Variants in TMEM120B observed in about 807,000 individuals in gnomAD.
TMEM120B encodes the protein transmembrane protein 120B.
TMEM120B carries 31 observed loss-of-function variants against 55.5 expected under a neutral mutation model. The ratio of observed to expected loss-of-function variants is 0.56; its 90% CI spans 0.42 to 0.75. The LOEUF is 0.75. Among genes scored for constraint, TMEM120B ranks in the 30% least tolerant of loss-of-function variants. The pLI, the probability that TMEM120B is intolerant of heterozygous loss-of-function variation, is 0.00. For missense variants in TMEM120B, 399 were observed against 425.5 expected, an observed-to-expected ratio of 0.94 and a Z score of 0.55; for synonymous variants, 203 against 176.3, an observed-to-expected ratio of 1.15 and a Z score of -1.20.
rs757075007 is a variant in TMEM120B at position 121,779,699 on chromosome 12, C to T, written c.*3977C>T. On this transcript the variant is annotated 3_prime_UTR_variant, in exon 12 of 12. Coordinates refer to ENST00000449592, the MANE Select transcript of TMEM120B (RefSeq NM_001080825.2). ...GAGGAGCCAGCATTAGGTGAGGGGC[C>T]CCTGGAGGTCTCCTAGCACCACCTG... The T allele has an allele frequency of 4.3e-6, 7 of 1,609,838 alleles. No homozygotes were observed. In the Admixed American group the frequency reaches 5.0e-5, roughly 12 times the overall value.
intron 1 of TMEM120B, among the ~76,000 whole-genome samples, chr12:121,713,576 T>A (rs947946054): frequency 3.9e-5 from 6 of 152,126 alleles, no homozygotes; most frequent in Non-Finnish European, 7.3e-5. Context: ...CCTCACCCAG[T>A]GATAGGGGAA....
chr12:121,750,676 A>C, intron 4 of TMEM120B, among the ~76,000 whole-genome samples: 2 of 111,162 alleles, frequency 1.8e-5, no homozygotes, highest in Non-Finnish European at 1.9e-5. Flanking sequence ...CCCACACCCC[A>C]CACCACACAC....
rs538057289 is a variant in TMEM120B at position 121,756,213 on chromosome 12, A to G, written c.461+3990A>G. Among the ~76,000 whole-genome samples, 17 of 152,238 alleles carry G rather than the reference A, an allele frequency of 1.1e-4. No homozygotes were observed. The South Asian group carries it at 3.5e-3, about 32-fold the overall frequency. ...TGCAGATGTGATTAAGACTCTTGAGATGGGCCGGGTGTGGTGGTTCATGCC... is the reference window on the plus strand; with the variant it reads ...TGCAGATGTGATTAAGACTCTTGAGGTGGGCCGGGTGTGGTGGTTCATGCC... On this transcript the variant is annotated intron_variant, in intron 5 of 11. Coordinates refer to ENST00000449592, the MANE Select transcript of TMEM120B (RefSeq NM_001080825.2).
Position 121,775,661 on chromosome 12 carries a change from CCACGCTCAAAGTCGTGCATGCCAAG to C in TMEM120B, c.961_985del (p.Thr321SerfsTer58). The C allele has an allele frequency of 6.2e-7, 1 of 1,614,084 alleles. No homozygotes were observed. Among genetic ancestry groups the C allele is most frequent in the Non-Finnish European group, 8.5e-7 (1 of 1,179,978 alleles). On this transcript the variant is annotated frameshift_variant, in exon 12 of 12. Transcript: ENST00000449592. LOFTEE classifies it high-confidence loss of function. This position sits in a 1 kb window ranked among gnomAD's most constrained non-coding sequence, Gnocchi z 4.3. ...ATCCTCTTCCTCGGCAACTTCCTGA[CCACGCTCAAAGTCGTGCATGCCAAG>C]CTCCAGAAGAACAGAGGCAAGACAA...
At position 121,775,150 on chromosome 12, in the gene TMEM120B, G is replaced by A; in HGVS notation, c.906+20G>A. ...TGGCAGGTATGGGGGGTGGGGGCATGCTCGGGGGAGGTTCCCGGGAGGGCT... is the reference window on the plus strand; with the variant it reads ...TGGCAGGTATGGGGGGTGGGGGCATACTCGGGGGAGGTTCCCGGGAGGGCT... On this transcript the variant is annotated intron_variant, in intron 11 of 11. Transcript: ENST00000449592. This position sits in a 1 kb window ranked among gnomAD's most constrained non-coding sequence, Gnocchi z 4.3. 4 of 1,351,394 alleles carry A rather than the reference G, an allele frequency of 3.0e-6. No homozygotes were observed. Among genetic ancestry groups the A allele is most frequent in the Non-Finnish European group, 4.1e-6 (4 of 965,034 alleles). The allele number at this position is 1,351,394 out of a possible 1,614,324, so 83.7% of individuals were successfully genotyped here. A position where few individuals can be genotyped will look rare whatever the true frequency, so the allele number is the denominator to read the frequency against.
intron 2 of TMEM120B, among the ~76,000 whole-genome samples, chr12:121,744,676 G>A (rs1873030397): frequency 6.6e-6 from 1 of 152,206 alleles, no homozygotes; most frequent in East Asian, 1.9e-4. Flanking sequence ...GGGCCCAGTG[G>A]ATGCCGTGAC....
At position 121,759,578 on chromosome 12, in the gene TMEM120B, T is replaced by C. The variant is rs920189735; in HGVS notation, c.462-2071T>C. On this transcript the variant is annotated intron_variant, in intron 5 of 11. Transcript: ENST00000449592. Reference sequence around the variant, plus strand: ...CTGTAATCCCATCTACTCTGGAGGCTGAGGCAAGAAAATCGCTTGAACCCA... The same window carrying C: ...CTGTAATCCCATCTACTCTGGAGGCCGAGGCAAGAAAATCGCTTGAACCCA... 5.3e-5 allele frequency among the ~76,000 whole-genome samples: 8 copies of C among 151,950 alleles called. No homozygotes were observed. The South Asian group carries it at 1.5e-3, about 28-fold the overall frequency.
chr12:121,774,448 AAG>A (rs781568862), intron 9 of TMEM120B, among the ~76,000 whole-genome samples: 3 of 152,182 alleles, frequency 2.0e-5, no homozygotes, highest in Non-Finnish European at 4.4e-5. Flanking sequence ...TGGTGGCTTG[AAG>A]AGAGAGAGCA....
At chr12:121,752,410 A>C (rs1004053308) in intron 5 of TMEM120B, among the ~76,000 whole-genome samples, 187 bp downstream of exon 5, 24 of 152,152 alleles carry the variant, frequency 1.6e-4, no homozygotes. Flanking sequence ...TCCATCCAAC[A>C]AGTATCTGTT....
chr12:121,760,294 CA>C (rs113740667), intron 5 of TMEM120B, among the ~76,000 whole-genome samples: 12,772 of 141,940 alleles, frequency 0.09, 957 homozygotes, highest in African/African-American at 0.21. Context: ...GACTCTGTCT[CA>C]AAAAAAAAAA....
chr12:121,781,394 C>T lies in TMEM120B; in HGVS notation c.*5672C>T, dbSNP rs976623090. 5 of 555,250 alleles carry T rather than the reference C, an allele frequency of 9.0e-6. No individual in the cohort carries two copies. The highest frequency in any genetic ancestry group is 1.6e-5 in the Non-Finnish European group (5 of 309,322). 34.4% of individuals were successfully genotyped at this position (555,250 alleles called of 1,614,324 possible). ...GCTGAGGCCGGAGGATCGCTTGAGC[C>T]CAGGAGGTCAAGGCTACAGTGAGCC... On this transcript the variant is annotated 3_prime_UTR_variant, in exon 12 of 12. Coordinates refer to ENST00000449592, the MANE Select transcript of TMEM120B (RefSeq NM_001080825.2).
chr12:121,780,224 ATGT>A lies in TMEM120B; in HGVS notation c.*4506_*4508del, dbSNP rs1319963443. 5 of 156,296 alleles carry A rather than the reference ATGT, an allele frequency of 3.2e-5. No homozygotes were observed. The highest frequency in any genetic ancestry group is 1.9e-4 in the East Asian group (1 of 5,216). The allele number at this position is 156,296 out of a possible 1,614,324, so 9.7% of individuals were successfully genotyped here. On this transcript the variant is annotated 3_prime_UTR_variant, in exon 12 of 12. Transcript: ENST00000449592. The stretch of plus-strand genomic sequence containing the variant: ...AGGCATGCGCCACCATGCCCGGCTA[ATGT>A]TGTATTTTTAGTAGAGATGGGGTTT...
At chr12:121,722,912 G>C (rs1231867795) in intron 1 of TMEM120B, among the ~76,000 whole-genome samples, 1 of 148,908 alleles carries the variant, frequency 6.7e-6, no homozygotes, top group Non-Finnish European at 1.5e-5. Flanking sequence ...GCAATGGCGC[G>C]ATCTTGGCTC....
chr12:121,746,318 G>T lies in TMEM120B; in HGVS notation c.189-2008G>T, dbSNP rs1873082013. On this transcript the variant is annotated intron_variant, in intron 2 of 11. Coordinates refer to ENST00000449592, the MANE Select transcript of TMEM120B (RefSeq NM_001080825.2). Reference sequence around the variant, plus strand: ...TTCTCCTGCCTCAGCCTCCCGAGTAGCTGGGATTACAGGCATGCACCACCA... The same window carrying T: ...TTCTCCTGCCTCAGCCTCCCGAGTATCTGGGATTACAGGCATGCACCACCA... Among the ~76,000 whole-genome samples, 4 of 151,968 alleles carry T rather than the reference G, an allele frequency of 2.6e-5. No homozygotes were observed. The South Asian group carries it at 8.3e-4, about 32-fold the overall frequency.
intron 10 of TMEM120B, 127 bp from the exon 11 acceptor site, chr12:121,774,935 G>A (rs1874186288): frequency 2.6e-6 from 3 of 1,156,814 alleles, no homozygotes; most frequent in South Asian, 2.6e-5. Context: ...TTCATTTTGG[G>A]GGTGTCTGTC....
intron 9 of TMEM120B, among the ~76,000 whole-genome samples, chr12:121,774,383 T>G (rs138572572): frequency 4.1e-4 from 62 of 152,266 alleles, no homozygotes; most frequent in African/African-American, 1.5e-3. Context: ...CTGTGCAGAT[T>G]AAAGAAATTA....
chr12:121,758,709 G>C (rs1403118381), intron 5 of TMEM120B: 30 of 979,686 alleles, frequency 3.1e-5, no homozygotes, highest in Admixed American at 6.4e-5. Flanking sequence ...CACCATGGAG[G>C]AGGACGGCCC....
In TMEM120B at chr12:121,780,115, T is replaced by C. The variant is rs1056502997; in HGVS notation, c.*4393T>C. 6.2e-6 allele frequency: 1 copy of C among 160,052 alleles called. No homozygotes were observed. The highest frequency in any genetic ancestry group is 1.4e-5 in the Non-Finnish European group (1 of 71,854). 9.9% of individuals were successfully genotyped at this position (160,052 alleles called of 1,614,324 possible). ...TCTTGTTACCCAGGCTGGAGTGCAATGGCGCGATCTTGGTTCATCACAACC... is the reference window on the plus strand; with the variant it reads ...TCTTGTTACCCAGGCTGGAGTGCAACGGCGCGATCTTGGTTCATCACAACC... On this transcript the variant is annotated 3_prime_UTR_variant, in exon 12 of 12. Transcript: ENST00000449592.
At chr12:121,723,108 A>G (rs1278096818) in intron 1 of TMEM120B, among the ~76,000 whole-genome samples, 9 of 151,768 alleles carry the variant, frequency 5.9e-5, no homozygotes, top group Non-Finnish European at 1.5e-5. Context: ...TCGCCTCCCA[A>G]AGTGCTGGGA....
Sources: allele counts gnomAD v4.1 joint callset (sites outside exome capture counted in the v4.1 genomes callset), GRCh38; gene constraint gnomAD v4.1.1; non-coding constraint Gnocchi (gnomAD v3.1); transcripts MANE v1.5; gene names NCBI Gene and HGNC (gene_info 2026-07-23, HGNC 2026-07-21).